The following GRID2 variants were observed in gnomAD, a reference collection of about 807,000 sequenced individuals.
GRID2 encodes the protein glutamate ionotropic receptor delta type subunit 2.
In GRID2, 33 loss-of-function variants were observed where a neutral mutation model predicts 114.8. That is an observed-to-expected ratio of 0.29 (90% CI 0.22 to 0.38). The LOEUF is 0.38. Ranked by LOEUF, GRID2 falls within the 10% of genes least tolerant of loss-of-function variation. The pLI is 1.00. For synonymous variants in GRID2, 505 were observed against 449.9 expected, an observed-to-expected ratio of 1.12 and a Z score of -1.55; for missense variants, 1,184 against 1,257.7, an observed-to-expected ratio of 0.94 and a Z score of 0.89.
chr4:93,794,120 C>T (rs750614888), intron 1 of GRID2, among the ~76,000 whole-genome samples: 7 of 152,060 alleles, frequency 4.6e-5, no homozygotes, highest in Non-Finnish European at 1.0e-4. Context: ...ATTGTGAGTG[C>T]TTCTTCAAAC....
chr4:92,530,384 T>C (rs1161169542), intron 1 of GRID2, among the ~76,000 whole-genome samples: 2 of 151,808 alleles, frequency 1.3e-5, no homozygotes. Context: ...TCATACGAAC[T>C]ATTCTTCTAT....
chr4:93,205,268 A>C (rs1742582868), intron 4 of GRID2, among the ~76,000 whole-genome samples: 1 of 151,696 alleles, frequency 6.6e-6, no homozygotes, highest in South Asian at 2.1e-4. Flanking sequence ...GTTATGTTTT[A>C]ATTATTAAGT....
At chr4:93,698,003 C>T (rs1369135207) in intron 14 of GRID2, among the ~76,000 whole-genome samples, 2 of 151,592 alleles carry the variant, frequency 1.3e-5, no homozygotes, top group African/African-American at 4.8e-5. Context: ...TTGATCTATG[C>T]TTACTATAAA....
intron 2 of GRID2, among the ~76,000 whole-genome samples, chr4:92,687,422 A>G (rs1733963271): frequency 6.6e-6 from 1 of 152,178 alleles, no homozygotes; most frequent in South Asian, 2.1e-4. Flanking sequence ...AAAGCAATTC[A>G]CACACTGTTT....
intron 1 of GRID2, among the ~76,000 whole-genome samples, chr4:92,350,617 ATCTT>A (rs900802907): frequency 5.6e-4 from 85 of 151,666 alleles, no homozygotes; most frequent in African/African-American, 1.9e-3. Context: ...CTTCCCTTCT[ATCTT>A]TCTTAAAGCA....
At chr4:92,468,402 C>G (rs6532371) in intron 1 of GRID2, among the ~76,000 whole-genome samples, 9,477 of 151,942 alleles carry the variant, frequency 0.062, 384 homozygotes, top group African/African-American at 0.12. Context: ...CTTTCTTAAC[C>G]ATTATGCTAT....
intron 2 of GRID2, among the ~76,000 whole-genome samples, chr4:92,641,292 T>G (rs1731334951): frequency 7.2e-6 from 1 of 138,088 alleles, no homozygotes; most frequent in Non-Finnish European, 1.6e-5. Context: ...TTTTGTTACT[T>G]TATTAAATTT....
At chr4:93,363,148 T>C (rs1579823681) in intron 8 of GRID2, among the ~76,000 whole-genome samples, 1 of 152,100 alleles carries the variant, frequency 6.6e-6, no homozygotes, top group East Asian at 1.9e-4. Context: ...TGATAGGAGA[T>C]GAAGGTTGCA....
intron 1 of GRID2, among the ~76,000 whole-genome samples, chr4:92,473,356 G>T (rs1051927939): frequency 6.6e-6 from 1 of 151,858 alleles, no homozygotes; most frequent in African/African-American, 2.4e-5. Context: ...CTTACACATC[G>T]GTCGTCTTAT....
intron 11 of GRID2, among the ~76,000 whole-genome samples, chr4:93,463,827 A>C (rs1723992736): frequency 6.6e-6 from 1 of 152,018 alleles, no homozygotes; most frequent in Admixed American, 6.6e-5. Context: ...GTCTCTACTA[A>C]AAATACAAAA....
chr4:93,232,477 T>C (rs912617132), intron 7 of GRID2, among the ~76,000 whole-genome samples: 4 of 151,058 alleles, frequency 2.6e-5, no homozygotes, highest in Non-Finnish European at 5.9e-5. Flanking sequence ...TTTTCTTATA[T>C]TGATATATGT....
chr4:93,068,988 C>G (rs1247798544), intron 2 of GRID2, among the ~76,000 whole-genome samples: 1 of 151,768 alleles, frequency 6.6e-6, no homozygotes, highest in Non-Finnish European at 1.5e-5. Flanking sequence ...GCAGGCACAT[C>G]ACATGGCCAG....
intron 2 of GRID2, among the ~76,000 whole-genome samples, chr4:92,646,385 T>C (rs1037280726): frequency 2.0e-5 from 3 of 152,244 alleles, no homozygotes; most frequent in Non-Finnish European, 4.4e-5. Context: ...TATTACATTA[T>C]TAACCTGCCT....
chr4:93,275,897 T>C (rs1752007357), intron 8 of GRID2, among the ~76,000 whole-genome samples: 1 of 151,962 alleles, frequency 6.6e-6, no homozygotes. Flanking sequence ...TTGCAAATAT[T>C]TTCTGCCCCC....
intron 1 of GRID2, among the ~76,000 whole-genome samples, chr4:92,576,037 G>A (rs939799528): frequency 1.3e-5 from 2 of 152,300 alleles, no homozygotes; most frequent in Admixed American, 1.3e-4. Context: ...ACTCTCCAAA[G>A]CCCACAGGCT....
At chr4:92,442,183 C>T (rs1032287795) in intron 1 of GRID2, among the ~76,000 whole-genome samples, 1 of 146,058 alleles carries the variant, frequency 6.8e-6, no homozygotes, top group Non-Finnish European at 1.5e-5. Context: ...GCTTGGCGTC[C>T]GTGATGGTCT....
chr4:92,687,216 C>G (rs1406619788), intron 2 of GRID2, among the ~76,000 whole-genome samples: 1 of 148,838 alleles, frequency 6.7e-6, no homozygotes, highest in East Asian at 2.0e-4. Context: ...GGCCCGTGTA[C>G]TTGCAATTGC....
intron 8 of GRID2, among the ~76,000 whole-genome samples, chr4:93,318,023 T>TATATATATATATATATATATATATA (rs1560493013): frequency 4.2e-5 from 3 of 70,818 alleles, no homozygotes; most frequent in East Asian, 3.1e-4. Context: ...ATATATATAT[T>TATATATATATATATATATATATATA]ACTACTTTCT....
intron 2 of GRID2, among the ~76,000 whole-genome samples, chr4:92,809,330 C>A (rs954148221): frequency 2.6e-5 from 4 of 151,798 alleles, no homozygotes; most frequent in African/African-American, 4.8e-5. Context: ...TCTGAGGGAA[C>A]TATTGTCAAG....
Sources: gnomAD v4.1 joint callset for allele counts (sites outside exome capture counted in the v4.1 genomes callset) on GRCh38, gnomAD v4.1.1 for gene constraint, MANE v1.5 for transcripts, NCBI Gene and HGNC (gene_info 2026-07-23, HGNC 2026-07-21) for gene names.